Variants in RBM47 observed in about 807,000 individuals in gnomAD.
RBM47 encodes the protein RNA-binding protein 47.
RBM47 carries 21 observed loss-of-function variants against 47.1 expected under a neutral mutation model. The ratio of observed to expected loss-of-function variants is 0.45; its 90% CI spans 0.32 to 0.64. The LOEUF (loss-of-function observed/expected upper bound fraction) is 0.64, where lower values mean the gene tolerates loss of function less well. RBM47 is among the 30% of genes least tolerant of loss of function. The pLI is 0.05. For missense variants in RBM47, 708 were observed against 870.9 expected (o/e 0.81, Z 2.35); for synonymous variants, 375 against 361.7 (o/e 1.04, Z -0.42).
At chr4:40,554,772 C>T (rs544217833) in intron 1 of RBM47, among the ~76,000 whole-genome samples, 110 of 145,060 alleles carry the variant, frequency 7.6e-4, no homozygotes, top group African/African-American at 2.6e-3. Flanking sequence ...CTCCCTCCCT[C>T]CCTTTCTTCC....
intron 3 of RBM47, among the ~76,000 whole-genome samples, chr4:40,460,843 G>C (rs1283208618): frequency 7.4e-6 from 1 of 134,542 alleles, no homozygotes; most frequent in Non-Finnish European, 1.5e-5. Flanking sequence ...AGCCAAGATC[G>C]CACCACTGCA....
At chr4:40,454,437 G>A (rs1291048566) in intron 3 of RBM47, among the ~76,000 whole-genome samples, 1 of 152,072 alleles carries the variant, frequency 6.6e-6, no homozygotes, top group Non-Finnish European at 1.5e-5. Flanking sequence ...GTAAGGGTGT[G>A]ATCAGTGTTA....
chr4:40,468,061 G>A (rs1249973358), intron 2 of RBM47, among the ~76,000 whole-genome samples: 3 of 152,164 alleles, frequency 2.0e-5, no homozygotes, highest in Non-Finnish European at 4.4e-5. Flanking sequence ...CAAGATGAGT[G>A]GATCACTTGA....
chr4:40,622,873 CTCCA>C (rs1737391566), intron 1 of RBM47, among the ~76,000 whole-genome samples: 2 of 152,110 alleles, frequency 1.3e-5, no homozygotes, highest in African/African-American at 2.4e-5. Context: ...CAGAGTGAGA[CTCCA>C]TCTCAAAAAA....
At chr4:40,456,709 C>T (rs1337487637) in intron 3 of RBM47, among the ~76,000 whole-genome samples, 1 of 151,560 alleles carries the variant, frequency 6.6e-6, no homozygotes, top group East Asian at 1.9e-4. Flanking sequence ...GGGATCCTCT[C>T]ACCTCAGCCT....
At chr4:40,481,375 C>T (rs1285715832) in intron 2 of RBM47, among the ~76,000 whole-genome samples, 1 of 149,362 alleles carries the variant, frequency 6.7e-6, no homozygotes, top group South Asian at 2.2e-4. Flanking sequence ...CAGGTTCAAG[C>T]AATTCTCCTG....
chr4:40,567,083 G>A (rs1056189357), intron 1 of RBM47, among the ~76,000 whole-genome samples: 5 of 151,984 alleles, frequency 3.3e-5, no homozygotes, highest in Non-Finnish European at 7.4e-5. Flanking sequence ...CTAAGGCTCA[G>A]AGAATATAAG....
chr4:40,445,578 T>G (rs1714420303), intron 3 of RBM47, among the ~76,000 whole-genome samples: 2 of 152,222 alleles, frequency 1.3e-5, no homozygotes. Flanking sequence ...ACTTCTGAGT[T>G]AAGTGAACTC....
At chr4:40,610,766 T>A (rs1348205639) in intron 1 of RBM47, among the ~76,000 whole-genome samples, 1 of 152,072 alleles carries the variant, frequency 6.6e-6, no homozygotes, top group South Asian at 2.1e-4. Flanking sequence ...AATTGAATCA[T>A]GGGGGCCGGT....
chr4:40,523,017 G>A (rs10025679), intron 2 of RBM47, among the ~76,000 whole-genome samples: 1,518 of 148,360 alleles, frequency 0.01, 21 homozygotes, highest in African/African-American at 0.037. Flanking sequence ...CCAGGCTGGG[G>A]TGCAGTGGTA....
At chr4:40,540,652 AATAATAAT>A (rs1159838114) in intron 2 of RBM47, among the ~76,000 whole-genome samples, 8 of 77,728 alleles carry the variant, frequency 1.0e-4, no homozygotes, top group African/African-American at 5.2e-4. Context: ...AAAAAAAAAA[AATAATAAT>A]AATAATAATA....
intron 3 of RBM47, among the ~76,000 whole-genome samples, chr4:40,462,453 C>T (rs1717300379): frequency 6.6e-6 from 1 of 152,048 alleles, no homozygotes; most frequent in Non-Finnish European, 1.5e-5. Flanking sequence ...TACATAACAC[C>T]CACATGCACG....
At chr4:40,546,906 T>G (rs746820966) in intron 1 of RBM47, among the ~76,000 whole-genome samples, 8 of 152,082 alleles carry the variant, frequency 5.3e-5, no homozygotes, top group Non-Finnish European at 8.8e-5. Flanking sequence ...AGTGATAGAA[T>G]GAAAAAGGGT....
Position 40,595,837 on chromosome 4 carries a change from A to C in RBM47, c.-240+33559T>G, listed in dbSNP as rs528067261. Among the ~76,000 whole-genome samples the C allele has an allele frequency of 5.9e-5, 9 of 152,116 alleles. 1 individual carries two copies. In the East Asian group the frequency reaches 1.7e-3, roughly 29 times the overall value. On this transcript the variant is annotated intron_variant, in intron 1 of 6. Transcript: ENST00000295971. ...GGAGAATTGCTTGAACCCGGGAGGC[A>C]GAGCTTGCAGTGAGCTGAGATCTCA...
At chr4:40,553,711 G>T (rs1170351062) in intron 1 of RBM47, among the ~76,000 whole-genome samples, 1 of 152,094 alleles carries the variant, frequency 6.6e-6, no homozygotes, top group African/African-American at 2.4e-5. Context: ...CTAACGCAGG[G>T]TCTAGCACTA....
At chr4:40,535,371 C>CTTTTTTTTTTTTTTTTTTTTTTTTCTTTT (rs1177127352) in intron 2 of RBM47, among the ~76,000 whole-genome samples, 1 of 103,460 alleles carries the variant, frequency 9.7e-6, no homozygotes, top group East Asian at 3.1e-4. Flanking sequence ...TATGGTATTT[C>CTTTTTTTTTTTTTTTTTTTTTTTTCTTTT]TTTTTTTTTT....
At chr4:40,507,979 T>C (rs1295488064) in intron 2 of RBM47, among the ~76,000 whole-genome samples, 3 of 151,990 alleles carry the variant, frequency 2.0e-5, no homozygotes, top group Non-Finnish European at 4.4e-5. Flanking sequence ...GGCAGGAGAA[T>C]AGCTTCAACC....
intron 1 of RBM47, among the ~76,000 whole-genome samples, chr4:40,549,826 G>A (rs377408960): frequency 1.3e-5 from 2 of 152,154 alleles, no homozygotes; most frequent in East Asian, 1.9e-4. Context: ...TATTACAGGC[G>A]TGTGCCACCA....
intron 1 of RBM47, among the ~76,000 whole-genome samples, chr4:40,554,099 C>G (rs577224545): frequency 1.3e-5 from 2 of 152,266 alleles, no homozygotes; most frequent in Admixed American, 1.3e-4. Context: ...GGACCCAGCA[C>G]GGTGCCTGGT....
Sources: gnomAD v4.1 joint callset for allele counts (sites outside exome capture counted in the v4.1 genomes callset) on GRCh38, gnomAD v4.1.1 for gene constraint, MANE v1.5 for transcripts, NCBI Gene and HGNC (gene_info 2026-07-23, HGNC 2026-07-21) for gene names.